The following CACNA1C variants were observed in gnomAD, a reference collection of about 807,000 sequenced individuals.
CACNA1C encodes the protein calcium voltage-gated channel subunit alpha1 C.
In CACNA1C, 30 loss-of-function variants were observed where a neutral mutation model predicts 229.0. The ratio of observed to expected loss-of-function variants is 0.13; its 90% CI spans 0.10 to 0.18. The LOEUF is 0.18. Among genes scored for constraint, CACNA1C ranks in the 10% least tolerant of loss-of-function variants. The pLI is 1.00. For synonymous variants in CACNA1C, 1,114 were observed against 1,132.5 expected (o/e 0.98, Z 0.33); for missense variants, 1,658 against 2,845.0 (o/e 0.58, Z 9.49).
intron 1 of CACNA1C, among the ~76,000 whole-genome samples, chr12:2,070,219 G>T (rs185518332): frequency 6.6e-6 from 1 of 152,280 alleles, no homozygotes; most frequent in African/African-American, 2.4e-5. Flanking sequence ...AGAGACAAAG[G>T]ACTTTGGGTC....
rs1324435225 is a variant in CACNA1C at position 2,651,619 on chromosome 12, C to T, written c.3946-21C>T. The T allele has an allele frequency of 6.2e-7, 1 of 1,613,970 alleles. No individual in the cohort carries two copies. The highest frequency in any genetic ancestry group is 1.3e-5 in the African/African-American group (1 of 75,046). On this transcript the variant is annotated intron_variant, in intron 31 of 46. Coordinates refer to ENST00000399655, the MANE Select transcript of CACNA1C (RefSeq NM_000719.7). This position sits in a 1 kb window ranked among gnomAD's most constrained non-coding sequence, Gnocchi z 5.4. The stretch of plus-strand genomic sequence containing the variant: ...CCCTCTTGCTGTGCTAACTGCACCT[C>T]CTGTTGCCGACGGGTTCCAGAACGC...
upstream of CACNA1C, among the ~76,000 whole-genome samples, chr12:2,051,598 A>G (rs1400133500): frequency 6.6e-6 from 1 of 152,212 alleles, no homozygotes; most frequent in African/African-American, 2.4e-5. Context: ...GGAAATGAGA[A>G]GTGGTCAGGT....
intron 3 of CACNA1C, among the ~76,000 whole-genome samples, chr12:2,404,504 G>A (rs989237825): frequency 5.9e-5 from 9 of 152,206 alleles, no homozygotes; most frequent in South Asian, 2.1e-4. Context: ...ACATTCAACC[G>A]TATACAATCC....
intron 6 of CACNA1C, among the ~76,000 whole-genome samples, chr12:2,491,949 A>T (rs1568004025): frequency 6.9e-6 from 1 of 144,324 alleles, no homozygotes; most frequent in Non-Finnish European, 1.5e-5. Flanking sequence ...CTAAATGAAG[A>T]ACTATAAGCA....
intron 3 of CACNA1C, among the ~76,000 whole-genome samples, chr12:2,147,092 C>T (rs993828594): frequency 1.3e-5 from 2 of 151,260 alleles, no homozygotes; most frequent in African/African-American, 2.4e-5. Context: ...TCTCCTGTCC[C>T]TATCTCTAGG....
At position 2,605,063 on chromosome 12, in the gene CACNA1C, C is replaced by A. The variant is rs2074647379; in HGVS notation, c.2961-18C>A. 1.9e-6 allele frequency: 3 copies of A among 1,598,186 alleles called. No homozygotes were observed. Among genetic ancestry groups the A allele is most frequent in the South Asian group, 1.1e-5 (1 of 90,782 alleles). ...GAAACAGGAGGAGCTTACTACCCTG[C>A]CTGTTTCCCTCTCCCAGGTCCAGTG... On this transcript the variant is annotated intron_variant, in intron 22 of 46. Transcript: ENST00000399655. The surrounding 1 kb of genome is among the most constrained non-coding windows in gnomAD (Gnocchi z 6.2).
Position 2,653,921 on chromosome 12 carries a change from G to C in CACNA1C, c.4140+21G>C. 6.2e-7 allele frequency: 1 copy of C among 1,607,856 alleles called. No individual in the cohort carries two copies. Among genetic ancestry groups the C allele is most frequent in the Non-Finnish European group, 8.5e-7 (1 of 1,174,848 alleles). On this transcript the variant is annotated intron_variant, in intron 33 of 46. Coordinates refer to ENST00000399655, the MANE Select transcript of CACNA1C (RefSeq NM_000719.7). This position sits in a 1 kb window ranked among gnomAD's most constrained non-coding sequence, Gnocchi z 4.7. Reference sequence around the variant, plus strand: ...TGCAGGTAGGGAGGCTCCCACCACGGGGCTCCTGGCCTCCCGCTCTGTCTC... The same window carrying C: ...TGCAGGTAGGGAGGCTCCCACCACGCGGCTCCTGGCCTCCCGCTCTGTCTC...
chr12:2,446,086 T>C (rs984081808), intron 3 of CACNA1C, among the ~76,000 whole-genome samples: 12 of 149,234 alleles, frequency 8.0e-5, no homozygotes, highest in Non-Finnish European at 3.0e-5. Flanking sequence ...GATGATCAGA[T>C]AGAAGAATGA....
At position 2,486,490 on chromosome 12, in the gene CACNA1C, A is replaced by G. The variant is rs1408115278; in HGVS notation, c.916+228A>G. 6.6e-6 allele frequency among the ~76,000 whole-genome samples: 1 copy of G among 152,234 alleles called. No homozygotes were observed. On this transcript the variant is annotated intron_variant, in intron 6 of 46. Coordinates refer to ENST00000399655, the MANE Select transcript of CACNA1C (RefSeq NM_000719.7). The surrounding 1 kb of genome is among the most constrained non-coding windows in gnomAD (Gnocchi z 4.9). ...AACCGGCCTAACGCAAACTTCGTTC[A>G]GCACTTTTCAATAAGCTACACAATT... is the stretch of plus-strand genomic sequence containing the variant.
chr12:2,262,850 C>T (rs1383352708), intron 3 of CACNA1C, among the ~76,000 whole-genome samples: 2 of 152,136 alleles, frequency 1.3e-5, no homozygotes, highest in African/African-American at 4.8e-5. Context: ...ACTATTCAGT[C>T]AACAAATAAT....
In CACNA1C at chr12:2,667,285, C is replaced by CCGTGGCCATTCCAT. The variant is rs1569148808; in HGVS notation, c.4623+503_4623+504insCGTGGCCATTCCAT. Reference sequence around the variant, plus strand: ...CCTCCCCTCCACCATGGCCACTCCACGCTCCTTTTCTCCCTCCTCTCCACC... The same window carrying CCGTGGCCATTCCAT: ...CCTCCCCTCCACCATGGCCACTCCACCGTGGCCATTCCATGCTCCTTTTCTCCCTCCTCTCCACC... On this transcript the variant is annotated intron_variant, in intron 37 of 46. Coordinates refer to ENST00000399655, the MANE Select transcript of CACNA1C (RefSeq NM_000719.7). Among the ~76,000 whole-genome samples the CCGTGGCCATTCCAT allele has an allele frequency of 3.9e-3, 502 of 127,470 alleles. 5 individuals are homozygous for CCGTGGCCATTCCAT. The highest frequency in any genetic ancestry group is 0.017 in the African/African-American group (472 of 27,176). The allele number at this position is 127,470 out of a possible 152,430, so 83.6% of individuals were successfully genotyped here.
At chr12:2,219,250 C>T (rs529693240) in intron 3 of CACNA1C, among the ~76,000 whole-genome samples, 1 of 152,326 alleles carries the variant, frequency 6.6e-6, no homozygotes, top group Admixed American at 6.5e-5. Context: ...AAGGAGCTCA[C>T]AGACCTACTT....
chr12:2,137,558 C>T (rs1010472671), intron 3 of CACNA1C, among the ~76,000 whole-genome samples: 1 of 151,036 alleles, frequency 6.6e-6, no homozygotes, highest in African/African-American at 2.4e-5. Flanking sequence ...GGTGATGGGG[C>T]GAGACCCCAT....
intron 3 of CACNA1C, among the ~76,000 whole-genome samples, chr12:2,376,286 A>G (rs2098063417): frequency 6.6e-6 from 1 of 152,170 alleles, no homozygotes; most frequent in South Asian, 2.1e-4. Context: ...GCTTTGGGCA[A>G]GCCACTAAAC....
At chr12:2,411,737 G>A (rs1263001799) in intron 3 of CACNA1C, among the ~76,000 whole-genome samples, 1 of 152,184 alleles carries the variant, frequency 6.6e-6, no homozygotes, top group African/African-American at 2.4e-5. Context: ...TGTGTGCAGG[G>A]GATTAGCCCA....
At chr12:2,445,440 A>G (rs986044790) in intron 3 of CACNA1C, among the ~76,000 whole-genome samples, 4 of 152,206 alleles carry the variant, frequency 2.6e-5, no homozygotes, top group African/African-American at 7.2e-5. Context: ...GGATTGAATG[A>G]TCACTGTCAG....
rs2153223930 is a variant in CACNA1C, at chr12:2,581,809, T to C, written c.2103+12T>C. On this transcript the variant is annotated intron_variant, in intron 14 of 46. Coordinates refer to ENST00000399655, the MANE Select transcript of CACNA1C (RefSeq NM_000719.7). ...TCACTGTGTTTCAGGTATGGACTCT[T>C]CTCTGCTGGGATTCGGACTCGGGGT... 4 of 1,527,606 alleles carry C rather than the reference T, an allele frequency of 2.6e-6. No homozygotes were observed. The highest frequency in any genetic ancestry group is 2.3e-5 in the South Asian group (2 of 88,836). 94.6% of individuals were successfully genotyped at this position (1,527,606 alleles called of 1,614,324 possible).
chr12:2,619,480 A>G (rs923743265), intron 29 of CACNA1C, among the ~76,000 whole-genome samples: 7 of 152,106 alleles, frequency 4.6e-5, no homozygotes, highest in Non-Finnish European at 7.4e-5. Context: ...GAGCCCATGT[A>G]TTCTATCCCT....
intron 1 of CACNA1C, among the ~76,000 whole-genome samples, chr12:2,085,894 C>T (rs1333638935): frequency 6.6e-6 from 1 of 152,188 alleles, no homozygotes; most frequent in Non-Finnish European, 1.5e-5. Context: ...CTGTCTACTG[C>T]TGGTTCCCAA....
Sources: allele counts gnomAD v4.1 joint callset (sites outside exome capture counted in the v4.1 genomes callset), GRCh38; gene constraint gnomAD v4.1.1; non-coding constraint Gnocchi (gnomAD v3.1); transcripts MANE v1.5; gene names NCBI Gene and HGNC (gene_info 2026-07-23, HGNC 2026-07-21).